Variants in NOL4 observed in about 807,000 individuals in gnomAD.
The protein encoded by NOL4 is cancer/testis antigen 125.
Under a neutral mutation model 75.9 loss-of-function variants are expected in NOL4, and 17 were observed. The observed-to-expected ratio is 0.22, with a 90% CI of 0.15 to 0.34. NOL4 has a LOEUF of 0.34. Ranked by LOEUF, NOL4 falls within the 10% of genes least tolerant of loss-of-function variation. The pLI, the probability that NOL4 is intolerant of heterozygous loss-of-function variation, is 1.00. For synonymous variants in NOL4, 292 were observed against 289.9 expected, an observed-to-expected ratio of 1.01 and a Z score of -0.07; for missense variants, 614 against 793.5, an observed-to-expected ratio of 0.77 and a Z score of 2.72.
At chr18:34,194,729 AAACT>A (rs2035195387) in intron 1 of NOL4, among the ~76,000 whole-genome samples, 2 of 152,088 alleles carry the variant, frequency 1.3e-5, no homozygotes, top group African/African-American at 2.4e-5. Flanking sequence ...ATTAATATAA[AAACT>A]ACCTACCTAG....
chr18:33,992,362 T>C lies in NOL4; in HGVS notation c.1056+26956A>G, dbSNP rs984157443. On this transcript the variant is annotated intron_variant, in intron 6 of 10. Coordinates refer to ENST00000261592, the MANE Select transcript of NOL4 (RefSeq NM_003787.5). ...AAGAGTTAACAGGCCAGATCAACAC[T>C]GTTATGACAGCATGAAGAGCTCTGT... 3.3e-5 allele frequency among the ~76,000 whole-genome samples: 5 copies of C among 152,132 alleles called. No homozygotes were observed. In the East Asian group the frequency reaches 9.7e-4, roughly 30 times the overall value.
chr18:34,215,170 T>A (rs555347047), intron 1 of NOL4, among the ~76,000 whole-genome samples: 42 of 152,314 alleles, frequency 2.8e-4, no homozygotes, highest in African/African-American at 8.9e-4. Context: ...GTGTTTTTTT[T>A]ATCACAATTA....
intron 1 of NOL4, among the ~76,000 whole-genome samples, chr18:34,148,555 T>A (rs1160707014): frequency 1.3e-5 from 2 of 152,152 alleles, no homozygotes; most frequent in African/African-American, 4.8e-5. Context: ...GAGTTCTAAT[T>A]TGATTGCACT....
intron 1 of NOL4, among the ~76,000 whole-genome samples, chr18:34,140,273 G>A (rs2081085978): frequency 6.6e-6 from 1 of 152,152 alleles, no homozygotes; most frequent in Non-Finnish European, 1.5e-5. Context: ...AATGTTGACA[G>A]TGGGGTGTTA....
intron 10 of NOL4, among the ~76,000 whole-genome samples, chr18:33,859,598 G>A (rs556110265): frequency 6.6e-6 from 1 of 152,188 alleles, no homozygotes; most frequent in African/African-American, 2.4e-5. Context: ...GGGGTACATA[G>A]TTGTATCAGT....
At chr18:34,206,161 CT>C (rs1335250022) in intron 1 of NOL4, among the ~76,000 whole-genome samples, 2 of 152,076 alleles carry the variant, frequency 1.3e-5, no homozygotes, top group African/African-American at 4.8e-5. Flanking sequence ...ACAACTTTCT[CT>C]TACAGATTTG....
intron 9 of NOL4, among the ~76,000 whole-genome samples, chr18:33,900,136 G>T (rs1471430148): frequency 6.6e-6 from 1 of 152,088 alleles, no homozygotes; most frequent in African/African-American, 2.4e-5. Flanking sequence ...CATGGTGCTG[G>T]CTTCTGGAAA....
chr18:33,957,300 G>C (rs978472601), intron 8 of NOL4, 26 bp downstream of exon 8: 1 of 1,589,800 alleles, frequency 6.3e-7, no homozygotes, highest in Non-Finnish European at 8.6e-7. Context: ...ATGGAGTCTA[G>C]GGCTGTGTTT....
intron 1 of NOL4, among the ~76,000 whole-genome samples, chr18:34,216,041 G>A (rs2146600509): frequency 6.6e-6 from 1 of 152,154 alleles, no homozygotes; most frequent in Non-Finnish European, 1.5e-5. Context: ...ACATACAAGT[G>A]GACCCAGGCA....
chr18:33,952,500 C>A (rs1449295280), intron 8 of NOL4, among the ~76,000 whole-genome samples: 3 of 152,104 alleles, frequency 2.0e-5, no homozygotes, highest in African/African-American at 4.8e-5. Context: ...ACATATAGTA[C>A]CCCAATAGCC....
intron 1 of NOL4, among the ~76,000 whole-genome samples, chr18:34,215,105 TAACAC>T (rs1260038434): frequency 2.6e-5 from 4 of 152,224 alleles, no homozygotes; most frequent in African/African-American, 9.6e-5. Context: ...TGAATATACT[TAACAC>T]TACTTAAGTC....
intron 2 of NOL4, among the ~76,000 whole-genome samples, chr18:34,125,931 T>C (rs1418952149): frequency 6.6e-6 from 1 of 150,534 alleles, no homozygotes; most frequent in Non-Finnish European, 1.5e-5. Context: ...ACCCAAACCG[T>C]GGACTTCCAG....
At chr18:34,043,538 A>G (rs2076231409) in intron 5 of NOL4, among the ~76,000 whole-genome samples, 1 of 152,112 alleles carries the variant, frequency 6.6e-6, no homozygotes, top group Non-Finnish European at 1.5e-5. Context: ...ACAATGCATC[A>G]TAAGAAATGA....
chr18:34,033,989 T>C (rs554917887), intron 5 of NOL4, among the ~76,000 whole-genome samples: 32 of 152,004 alleles, frequency 2.1e-4, no homozygotes, highest in African/African-American at 7.5e-4. Context: ...TCCCAGACAA[T>C]TGAAAGCAAA....
chr18:34,151,990 T>A (rs954089230), intron 1 of NOL4, among the ~76,000 whole-genome samples: 2 of 151,812 alleles, frequency 1.3e-5, no homozygotes, highest in African/African-American at 4.8e-5. Flanking sequence ...CTATGCTTGA[T>A]CAATTTGAAA....
chr18:33,900,270 A>T (rs2065668513), intron 9 of NOL4, among the ~76,000 whole-genome samples: 1 of 152,050 alleles, frequency 6.6e-6, no homozygotes, highest in Admixed American at 6.6e-5. Context: ...GGGTGAACTA[A>T]TAGACTGAGA....
intron 6 of NOL4, among the ~76,000 whole-genome samples, chr18:33,967,252 G>T (rs772392846): frequency 4.6e-5 from 7 of 152,148 alleles, no homozygotes; most frequent in Non-Finnish European, 8.8e-5. Context: ...AATAAATGGT[G>T]CTGGGATAAC....
chr18:33,913,410 C>T (rs1231610530), intron 9 of NOL4, among the ~76,000 whole-genome samples: 2 of 152,136 alleles, frequency 1.3e-5, no homozygotes, highest in African/African-American at 2.4e-5. Flanking sequence ...GTTTGGATGT[C>T]GTCATTCCAT....
chr18:33,978,032 C>G (rs2071642751), intron 6 of NOL4, among the ~76,000 whole-genome samples: 1 of 152,058 alleles, frequency 6.6e-6, no homozygotes. Context: ...CATGCATTTT[C>G]CATTGCCCAG....
Sources: allele counts gnomAD v4.1 joint callset (sites outside exome capture counted in the v4.1 genomes callset), GRCh38; gene constraint gnomAD v4.1.1; transcripts MANE v1.5; gene names NCBI Gene and HGNC (gene_info 2026-07-23, HGNC 2026-07-21).